SLX4IP: variants seen among roughly 807,000 people sequenced by gnomAD.
The protein encoded by SLX4IP is protein SLX4IP.
In SLX4IP, 34 loss-of-function variants were observed where a neutral mutation model predicts 32.9. The ratio of observed to expected loss-of-function variants is 1.03; its 90% CI spans 0.79 to 1.38. The LOEUF (loss-of-function observed/expected upper bound fraction) is 1.38, where lower values mean the gene tolerates loss of function less well. Ranked by LOEUF, SLX4IP falls within the 40% of genes most tolerant of loss-of-function variation. The pLI is 0.00. For synonymous variants in SLX4IP, 172 were observed against 171.7 expected, an observed-to-expected ratio of 1.00 and a Z score of -0.01; for missense variants, 444 against 479.0, an observed-to-expected ratio of 0.93 and a Z score of 0.68.
chr20:10,518,956 T>C (rs981164415), intron 2 of SLX4IP, among the ~76,000 whole-genome samples: 1 of 152,216 alleles, frequency 6.6e-6, no homozygotes, highest in African/African-American at 2.4e-5. Context: ...GAGTTTGATA[T>C]TCTTTCCTGC....
intron 2 of SLX4IP, among the ~76,000 whole-genome samples, chr20:10,516,877 C>T (rs1220710006): frequency 1.3e-5 from 2 of 152,122 alleles, no homozygotes; most frequent in Admixed American, 6.6e-5. Context: ...GTTTTACATC[C>T]CAGTGGATTC....
intron 4 of SLX4IP, among the ~76,000 whole-genome samples, chr20:10,594,262 T>C (rs992402409): frequency 6.6e-6 from 1 of 152,216 alleles, no homozygotes; most frequent in African/African-American, 2.4e-5. Flanking sequence ...AGAGAAGTAC[T>C]GAGGGGCATC....
chr20:10,542,821 AGTTTT>A (rs1191169922), intron 2 of SLX4IP, among the ~76,000 whole-genome samples: 1 of 152,062 alleles, frequency 6.6e-6, no homozygotes, highest in Non-Finnish European at 1.5e-5. Flanking sequence ...CCAGTTTTAG[AGTTTT>A]GTTTTGTTTC....
At chr20:10,602,788 C>CT (rs2066858263) in intron 6 of SLX4IP, among the ~76,000 whole-genome samples, 1 of 152,184 alleles carries the variant, frequency 6.6e-6, no homozygotes, top group Non-Finnish European at 1.5e-5. Context: ...AAACCAGCTT[C>CT]TTATCTCATC....
chr20:10,457,045 G>A (rs2065290736), intron 1 of SLX4IP, among the ~76,000 whole-genome samples: 2 of 152,082 alleles, frequency 1.3e-5, no homozygotes, highest in African/African-American at 4.8e-5. Context: ...TAGCAATACA[G>A]TAGATTTTAA....
intron 2 of SLX4IP, among the ~76,000 whole-genome samples, chr20:10,489,782 TG>T (rs1329605206): frequency 1.3e-5 from 2 of 152,306 alleles, no homozygotes; most frequent in African/African-American, 4.8e-5. Context: ...GAAAGGGAAA[TG>T]GTTAACATGA....
chr20:10,500,915 C>A (rs2065712318), intron 2 of SLX4IP, among the ~76,000 whole-genome samples: 1 of 152,098 alleles, frequency 6.6e-6, no homozygotes, highest in Non-Finnish European at 1.5e-5. Flanking sequence ...CAAACTCAGG[C>A]TGAATGCAGA....
chr20:10,622,949 G>A lies in SLX4IP; in HGVS notation c.797G>A (p.Gly266Glu), dbSNP rs144098135. ...KPHPGERLKT[G>E]LLSRSPVCSC... The stretch of plus-strand genomic sequence containing the variant: ...CATCCTGGGGAGCGGTTAAAGACAG[G>A]GCTTCTAAGCAGGAGCCCCGTCTGT... Residue 266 changes from glycine (G) to glutamate (E), a missense_variant, in exon 8 of 8, where the codon GGG (glycine) becomes GAG (glutamate). Coordinates refer to ENST00000334534, the MANE Select transcript of SLX4IP (RefSeq NM_001009608.3). 21 of 1,613,998 alleles carry A rather than the reference G, an allele frequency of 1.3e-5. No homozygotes were observed. Among genetic ancestry groups the A allele is most frequent in the Non-Finnish European group, 1.8e-5 (21 of 1,180,034 alleles).
Position 10,475,725 on chromosome 20 carries a change from G to T in SLX4IP, c.27+17494G>T, listed in dbSNP as rs147005403. Among the ~76,000 whole-genome samples the T allele has an allele frequency of 1.8e-4, 27 of 152,314 alleles. No individual in the cohort carries two copies. The East Asian group carries it at 4.8e-3, about 27-fold the overall frequency. On this transcript the variant is annotated intron_variant, in intron 2 of 7. Transcript: ENST00000334534. ...CTGCCCCAATAGCAAACTTCTGGAG[G>T]TGAATTTGGGCAGATGTCCACTTTT...
At chr20:10,581,607 C>T (rs1001467877) in intron 4 of SLX4IP, among the ~76,000 whole-genome samples, 2 of 152,204 alleles carry the variant, frequency 1.3e-5, no homozygotes, top group Middle Eastern at 3.4e-3. Context: ...TCACACCATG[C>T]GGACTTTCTA....
chr20:10,568,621 C>T (rs1006568255), intron 4 of SLX4IP, among the ~76,000 whole-genome samples: 23 of 152,300 alleles, frequency 1.5e-4, no homozygotes, highest in African/African-American at 4.8e-4. Flanking sequence ...TTTCTCATGG[C>T]GGCAGATCTC....
rs1387296312 is a variant in SLX4IP at position 10,625,718 on chromosome 20, C to T, written c.*2339C>T. On this transcript the variant is annotated 3_prime_UTR_variant, in exon 8 of 8. Transcript: ENST00000334534. The stretch of plus-strand genomic sequence containing the variant: ...TTGGTTGTAGATAGATGTAGTTTTC[C>T]TCACAGCCCTCACGTCCCTTCATGT... 1 of 152,124 alleles carries T rather than the reference C, an allele frequency of 6.6e-6. No homozygotes were observed. The highest frequency in any genetic ancestry group is 1.5e-5 in the Non-Finnish European group (1 of 68,028). The allele number at this position is 152,124 out of a possible 1,614,324, so 9.4% of individuals were successfully genotyped here. A position where few individuals can be genotyped will look rare whatever the true frequency, so the allele number is the denominator to read the frequency against.
At chr20:10,475,164 CT>C (rs533425728) in intron 2 of SLX4IP, among the ~76,000 whole-genome samples, 19 of 152,240 alleles carry the variant, frequency 1.2e-4, no homozygotes, top group Non-Finnish European at 2.5e-4. Flanking sequence ...AGCCAGATCC[CT>C]GTCTCTGCTC....
At chr20:10,599,622 C>G (rs1205020282) in intron 5 of SLX4IP, among the ~76,000 whole-genome samples, 1 of 151,120 alleles carries the variant, frequency 6.6e-6, no homozygotes, top group Non-Finnish European at 1.5e-5. Flanking sequence ...GTCTCAAACT[C>G]CTGGGGTCAA....
At chr20:10,528,860 G>A (rs2065961530) in intron 2 of SLX4IP, among the ~76,000 whole-genome samples, 1 of 152,202 alleles carries the variant, frequency 6.6e-6, no homozygotes, top group Non-Finnish European at 1.5e-5. Flanking sequence ...TTTTTCTTCT[G>A]AACATAGATG....
chr20:10,458,895 G>A (rs141656968), intron 2 of SLX4IP, among the ~76,000 whole-genome samples: 3 of 152,272 alleles, frequency 2.0e-5, no homozygotes, highest in African/African-American at 7.2e-5. Flanking sequence ...GGATTGCTGG[G>A]TCAAATGGCA....
intron 6 of SLX4IP, among the ~76,000 whole-genome samples, chr20:10,602,448 C>A (rs1441211500): frequency 6.6e-6 from 1 of 152,198 alleles, no homozygotes; most frequent in Admixed American, 6.5e-5. Flanking sequence ...AGAATTGCAG[C>A]TGACTGCTTT....
At chr20:10,527,111 G>A (rs1334989542) in intron 2 of SLX4IP, among the ~76,000 whole-genome samples, 1 of 152,138 alleles carries the variant, frequency 6.6e-6, no homozygotes, top group Non-Finnish European at 1.5e-5. Context: ...TCAGTATTTT[G>A]CTGGTTCATT....
At chr20:10,592,764 A>G (rs1227147776) in intron 4 of SLX4IP, among the ~76,000 whole-genome samples, 1 of 150,138 alleles carries the variant, frequency 6.7e-6, no homozygotes, top group Non-Finnish European at 1.5e-5. Context: ...CCTCCCAAGT[A>G]ACTGGGACTA....
Sources: gnomAD v4.1 joint callset for allele counts (sites outside exome capture counted in the v4.1 genomes callset) on GRCh38, gnomAD v4.1.1 for gene constraint, MANE v1.5 for transcripts, NCBI Gene and HGNC (gene_info 2026-07-23, HGNC 2026-07-21) for gene names.